The following CCND3 variants were observed in gnomAD, a reference collection of about 807,000 sequenced individuals.
CCND3 encodes the protein G1/S-specific cyclin-D3.
Under a neutral mutation model 28.7 loss-of-function variants are expected in CCND3, and 9 were observed. The ratio of observed to expected loss-of-function variants is 0.31; its 90% CI spans 0.19 to 0.55. CCND3 has a LOEUF of 0.55. CCND3 is among the 20% of genes least tolerant of loss of function. The probability of loss-of-function intolerance (pLI) is 0.93; values close to 1 mark genes in which losing one functional copy is unlikely to be tolerated. For synonymous variants in CCND3, 164 were observed against 163.9 expected (o/e 1.00, Z 0.00); for missense variants, 315 against 385.8 (o/e 0.82, Z 1.54).
chr6:41,937,021 C>G (rs368807640), intron 3 of CCND3: 3 of 619,314 alleles, frequency 4.8e-6, no homozygotes, highest in African/African-American at 3.7e-5. Flanking sequence ...TCACTTCTCT[C>G]TATACCCTCA....
intron 1 of CCND3, among the ~76,000 whole-genome samples, chr6:42,045,233 G>C (rs1764507391): frequency 1.3e-5 from 2 of 152,098 alleles, no homozygotes; most frequent in African/African-American, 4.8e-5. Flanking sequence ...TGATATATTA[G>C]GAAAGTCAAT....
chr6:41,996,209 G>A (rs1335052115), intron 1 of CCND3, among the ~76,000 whole-genome samples: 2 of 150,686 alleles, frequency 1.3e-5, no homozygotes, highest in Non-Finnish European at 2.9e-5. Flanking sequence ...GAGTGCACTG[G>A]CATGATCTCG....
At chr6:41,945,860 C>T (rs1776154102), upstream of CCND3, among the ~76,000 whole-genome samples, 1 of 152,176 alleles carries the variant, frequency 6.6e-6, no homozygotes, top group Admixed American at 6.6e-5. Flanking sequence ...ACAAAGCAAG[C>T]ATTCAGAGAT....
At chr6:41,985,171 T>C (rs889501313) in intron 1 of CCND3, among the ~76,000 whole-genome samples, 3 of 152,092 alleles carry the variant, frequency 2.0e-5, no homozygotes, top group South Asian at 4.1e-4. Context: ...CATTTATCCA[T>C]TTTTGCTTTT....
intron 1 of CCND3, among the ~76,000 whole-genome samples, chr6:42,007,637 C>T (rs1322650851): frequency 2.0e-5 from 3 of 152,052 alleles, no homozygotes; most frequent in East Asian, 1.9e-4. Context: ...CATACATAGG[C>T]GGGCTTATAA....
At chr6:41,999,200 G>A (rs1762912627) in intron 1 of CCND3, among the ~76,000 whole-genome samples, 1 of 131,256 alleles carries the variant, frequency 7.6e-6, no homozygotes, top group Admixed American at 8.5e-5. Context: ...TAGGCAATAA[G>A]AGCAAAACTC....
intron 1 of CCND3, among the ~76,000 whole-genome samples, chr6:42,001,234 C>CAGA (rs567125977): frequency 1.4e-5 from 1 of 74,022 alleles, no homozygotes; most frequent in African/African-American, 5.6e-5. Flanking sequence ...GACCCCATCT[C>CAGA]AAAAAAAAAA....
chr6:41,967,748 C>T (rs776481167), intron 1 of CCND3, among the ~76,000 whole-genome samples: 15 of 152,138 alleles, frequency 9.9e-5, no homozygotes, highest in Non-Finnish European at 1.6e-4. Flanking sequence ...AATTTTAGTG[C>T]GTCAAAGTGA....
At chr6:41,964,231 G>A (rs1238362680) in intron 1 of CCND3, among the ~76,000 whole-genome samples, 1 of 152,136 alleles carries the variant, frequency 6.6e-6, no homozygotes. Context: ...TCCCAGTCTT[G>A]TTGGAAAGAC....
intron 1 of CCND3, among the ~76,000 whole-genome samples, chr6:41,952,013 C>T (rs185875676): frequency 7.2e-5 from 11 of 152,106 alleles, no homozygotes; most frequent in African/African-American, 1.9e-4. Context: ...CCACCCGCCT[C>T]GGCCTCCCAA....
At chr6:42,002,393 T>C (rs1763036148) in intron 1 of CCND3, among the ~76,000 whole-genome samples, 1 of 150,938 alleles carries the variant, frequency 6.6e-6, no homozygotes, top group Non-Finnish European at 1.5e-5. Flanking sequence ...TGAGCCCAGA[T>C]TGTGCCACTG....
intron 1 of CCND3, among the ~76,000 whole-genome samples, chr6:41,955,651 C>CA (rs35334493): frequency 0.48 from 53,899 of 113,386 alleles, 12,302 homozygotes; most frequent in South Asian, 0.67. Flanking sequence ...CCTATCTCTA[C>CA]AAAAAAAAAA....
intron 1 of CCND3, among the ~76,000 whole-genome samples, chr6:42,006,064 G>T (rs1441480033): frequency 6.6e-6 from 1 of 151,828 alleles, no homozygotes; most frequent in Non-Finnish European, 1.5e-5. Context: ...CTACTTGGGA[G>T]GCTGAGGGGG....
intron 1 of CCND3, among the ~76,000 whole-genome samples, chr6:41,962,719 A>G (rs1284222762): frequency 6.6e-6 from 1 of 152,036 alleles, no homozygotes; most frequent in East Asian, 1.9e-4. Context: ...ACTGCCCGCC[A>G]GCCTGCGTGA....
At chr6:42,021,038 C>G (rs1439831426) in intron 1 of CCND3, among the ~76,000 whole-genome samples, 2 of 152,232 alleles carry the variant, frequency 1.3e-5, no homozygotes. Flanking sequence ...AGGCGTGAGC[C>G]ACCGTGCCCA....
At chr6:42,022,313 T>C (rs918454543) in intron 1 of CCND3, among the ~76,000 whole-genome samples, 2 of 152,118 alleles carry the variant, frequency 1.3e-5, no homozygotes, top group Non-Finnish European at 2.9e-5. Context: ...CAGTACACAC[T>C]GGAATGAGTG....
At chr6:41,974,456 T>C (rs1762117386) in intron 1 of CCND3, among the ~76,000 whole-genome samples, 1 of 152,108 alleles carries the variant, frequency 6.6e-6, no homozygotes, top group African/African-American at 2.4e-5. Context: ...CCCTCCCCTC[T>C]AATAGAAGTA....
At chr6:42,002,423 G>C (rs1472171641) in intron 1 of CCND3, among the ~76,000 whole-genome samples, 1 of 119,464 alleles carries the variant, frequency 8.4e-6, no homozygotes, top group Non-Finnish European at 1.7e-5. Context: ...CTGGGCAACA[G>C]AACAAGACTC....
chr6:42,036,395 A>ATG (rs1185551167), intron 1 of CCND3, among the ~76,000 whole-genome samples: 4 of 41,052 alleles, frequency 9.7e-5, no homozygotes, highest in Non-Finnish European at 1.8e-4. Flanking sequence ...ATATATATAT[A>ATG]TATATATATT....
Sources: allele counts gnomAD v4.1 joint callset (sites outside exome capture counted in the v4.1 genomes callset), GRCh38; gene constraint gnomAD v4.1.1; transcripts MANE v1.5; gene names NCBI Gene and HGNC (gene_info 2026-07-23, HGNC 2026-07-21).